IL1RAPL2: variants seen among roughly 807,000 people sequenced by gnomAD.
IL1RAPL2 encodes the protein X-linked interleukin-1 receptor accessory protein-like 2.
A neutral mutation model predicts 44.1 loss-of-function variants in IL1RAPL2; 3 were observed. The observed-to-expected ratio is 0.07, with a 90% CI of 0.03 to 0.18. The LOEUF is 0.18. IL1RAPL2 is among the 10% of genes least tolerant of loss of function. The pLI is 1.00. For synonymous variants in IL1RAPL2, 181 were observed against 178.8 expected (o/e 1.01, Z -0.10); for missense variants, 391 against 496.4 (o/e 0.79, Z 2.02).
intron 2 of IL1RAPL2, among the ~76,000 whole-genome samples, chrX:105,128,080 A>G (rs1416883686): frequency 9.0e-6 from 1 of 110,550 alleles, no homozygotes; most frequent in Non-Finnish European, 1.9e-5. Flanking sequence ...ATCTATCTCT[A>G]ATTCCTTCTG....
chrX:104,595,668 C>G (rs1450238062), intron 1 of IL1RAPL2, among the ~76,000 whole-genome samples: 2 of 111,826 alleles, frequency 1.8e-5, no homozygotes, highest in African/African-American at 6.5e-5. Context: ...ATTCAGGAAG[C>G]TATGAGAATA....
chrX:105,550,584 CAG>C (rs1378677527), intron 6 of IL1RAPL2, among the ~76,000 whole-genome samples: 2 of 112,027 alleles, frequency 1.8e-5, no homozygotes, highest in Non-Finnish European at 3.8e-5. Context: ...TGCAAACTCA[CAG>C]AGTCTTTCAA....
At chrX:104,638,818 A>T (rs994871119) in intron 1 of IL1RAPL2, among the ~76,000 whole-genome samples, 8 of 112,348 alleles carry the variant, frequency 7.1e-5, no homozygotes, top group African/African-American at 2.6e-4. Context: ...TACTATGGAA[A>T]AGAATATGTA....
chrX:104,798,649 G>GAGAGAGAC (rs1378178973), intron 2 of IL1RAPL2, among the ~76,000 whole-genome samples: 1 of 111,537 alleles, frequency 9.0e-6, no homozygotes, highest in Non-Finnish European at 1.9e-5. Context: ...CTGGGTGACA[G>GAGAGAGAC]AGAGAGACTC....
At chrX:105,250,572 AAAC>A in intron 4 of IL1RAPL2, among the ~76,000 whole-genome samples, 1 of 111,227 alleles carries the variant, frequency 9.0e-6, no homozygotes, top group East Asian at 2.8e-4. Flanking sequence ...TTAAGAAAAA[AAAC>A]AAAATTTATT....
intron 2 of IL1RAPL2, among the ~76,000 whole-genome samples, chrX:104,737,767 TTCATGAATCTTTTGG>T (rs1932040269): frequency 8.9e-6 from 1 of 111,849 alleles, no homozygotes; most frequent in Non-Finnish European, 1.9e-5. Flanking sequence ...AGCCTATGTG[TTCATGAATCTTTTGG>T]CTTTGCTCTT....
chrX:104,946,684 C>A (rs1175121790), intron 2 of IL1RAPL2, among the ~76,000 whole-genome samples: 1 of 100,791 alleles, frequency 9.9e-6, no homozygotes, highest in Non-Finnish European at 2.0e-5. Flanking sequence ...TTAGTTCTTG[C>A]AATAGTTTAC....
intron 5 of IL1RAPL2, among the ~76,000 whole-genome samples, chrX:105,477,210 G>T (rs1346713133): frequency 9.0e-6 from 1 of 111,490 alleles, no homozygotes; most frequent in African/African-American, 3.3e-5. Context: ...GGCTGGTCCT[G>T]CTTGAATTTA....
At chrX:105,302,565 C>G (rs781695367) in intron 5 of IL1RAPL2, among the ~76,000 whole-genome samples, 1 of 111,836 alleles carries the variant, frequency 8.9e-6, no homozygotes, top group East Asian at 2.8e-4. Context: ...GGAATGGGGG[C>G]CTCAGGACTC....
At chrX:105,104,241 G>A (rs1047390794) in intron 2 of IL1RAPL2, among the ~76,000 whole-genome samples, 1 of 111,220 alleles carries the variant, frequency 9.0e-6, no homozygotes, top group African/African-American at 3.3e-5. Context: ...TCTCCACCAA[G>A]AGGGGTAAAT....
chrX:105,360,714 C>G (rs1366312740), intron 5 of IL1RAPL2, among the ~76,000 whole-genome samples: 5 of 110,190 alleles, frequency 4.5e-5, no homozygotes, highest in Non-Finnish European at 9.5e-5. Context: ...TGTGAAAGCC[C>G]AGGGGTAGGA....
chrX:104,657,434 A>T (rs755384074), intron 1 of IL1RAPL2, among the ~76,000 whole-genome samples: 1 of 111,629 alleles, frequency 9.0e-6, no homozygotes, highest in East Asian at 2.8e-4. Flanking sequence ...AGAAAGTTGA[A>T]ACTGGATCCC....
At chrX:105,000,735 C>G (rs192981233) in intron 2 of IL1RAPL2, among the ~76,000 whole-genome samples, 4 of 111,840 alleles carry the variant, frequency 3.6e-5, no homozygotes, top group South Asian at 7.4e-4. Context: ...TTAAAGGTTA[C>G]ATTAAAATGG....
At chrX:105,607,443 ATG>A (rs1427151585) in intron 6 of IL1RAPL2, among the ~76,000 whole-genome samples, 1 of 107,283 alleles carries the variant, frequency 9.3e-6, no homozygotes, top group East Asian at 2.9e-4. Flanking sequence ...TTAAATTCTA[ATG>A]TATATATGTG....
At chrX:104,931,397 G>C (rs1368192316) in intron 2 of IL1RAPL2, among the ~76,000 whole-genome samples, 2 of 107,057 alleles carry the variant, frequency 1.9e-5, no homozygotes, top group Non-Finnish European at 3.8e-5. Context: ...AAAAAAGCCA[G>C]TGAACTGCTA....
In IL1RAPL2 at chrX:105,215,279, T is replaced by G. The variant is rs149721739; in HGVS notation, c.357-18539T>G. On this transcript the variant is annotated intron_variant, in intron 3 of 10. Coordinates refer to ENST00000372582, the MANE Select transcript of IL1RAPL2 (RefSeq NM_017416.2). ...ACAATAAAAAATGATACAGGGGATATTACCACTGAAACCACAGAAATGCAA... is the reference window on the plus strand; with the variant it reads ...ACAATAAAAAATGATACAGGGGATAGTACCACTGAAACCACAGAAATGCAA... Among the ~76,000 whole-genome samples the G allele has an allele frequency of 7.1e-3, 794 of 111,676 alleles. 8 individuals are homozygous for G. The highest frequency in any genetic ancestry group is 0.024 in the African/African-American group (742 of 30,742).
intron 2 of IL1RAPL2, among the ~76,000 whole-genome samples, chrX:104,880,840 A>G (rs937632889): frequency 8.0e-5 from 9 of 112,056 alleles, no homozygotes; most frequent in East Asian, 2.8e-4. Flanking sequence ...AGAATAAGCA[A>G]TCCTTCAACA....
chrX:104,710,085 A>C (rs954700603), intron 2 of IL1RAPL2, among the ~76,000 whole-genome samples: 1 of 111,412 alleles, frequency 9.0e-6, no homozygotes, highest in African/African-American at 3.3e-5. Flanking sequence ...GCAGTTTCTC[A>C]AAAGGTTAAA....
intron 2 of IL1RAPL2, among the ~76,000 whole-genome samples, chrX:105,001,940 A>C (rs2147736538): frequency 9.0e-6 from 1 of 111,393 alleles, no homozygotes; most frequent in South Asian, 3.8e-4. Context: ...TCTGAAGTGA[A>C]CAGAAATCAA....
Sources: gnomAD v4.1 joint callset for allele counts (sites outside exome capture counted in the v4.1 genomes callset) on GRCh38, gnomAD v4.1.1 for gene constraint, MANE v1.5 for transcripts, NCBI Gene and HGNC (gene_info 2026-07-23, HGNC 2026-07-21) for gene names.